RRP15: variants seen among roughly 807,000 people sequenced by gnomAD.
RRP15 encodes the protein RRP15-like protein.
RRP15 carries 18 observed loss-of-function variants against 27.1 expected under a neutral mutation model. The observed-to-expected ratio is 0.66, with a 90% CI of 0.46 to 0.98. The LOEUF (loss-of-function observed/expected upper bound fraction) is 0.98, where lower values mean the gene tolerates loss of function less well. RRP15 is among the 50% of genes least tolerant of loss of function. The pLI is 0.00. For missense variants in RRP15, 359 were observed against 337.8 expected (o/e 1.06, Z -0.49); for synonymous variants, 107 against 109.4 (o/e 0.98, Z 0.14).
Position 218,318,000 on chromosome 1 carries a change from G to A in RRP15, c.705+10368G>A, listed in dbSNP as rs565205696. On this transcript the variant is annotated intron_variant, in intron 4 of 4. Transcript: ENST00000366932. ...TTCTTCTGCCTCAGCCTCCCAAAGTGCTGGGATTACAGGCGTGAACTCCCA... is the reference window on the plus strand; with the variant it reads ...TTCTTCTGCCTCAGCCTCCCAAAGTACTGGGATTACAGGCGTGAACTCCCA... Among the ~76,000 whole-genome samples, 8 of 152,020 alleles carry A rather than the reference G, an allele frequency of 5.3e-5. No homozygotes were observed. The East Asian group carries it at 1.2e-3, about 22-fold the overall frequency.
At chr1:218,287,181 A>C (rs1571789549) in intron 1 of RRP15, among the ~76,000 whole-genome samples, 1 of 123,118 alleles carries the variant, frequency 8.1e-6, no homozygotes, top group Admixed American at 9.5e-5. Flanking sequence ...GGATTTTGCC[A>C]TGTTGCCCAG....
At chr1:218,291,941 A>G (rs1009575988) in intron 1 of RRP15, among the ~76,000 whole-genome samples, 7 of 151,854 alleles carry the variant, frequency 4.6e-5, no homozygotes, top group Admixed American at 2.0e-4. Context: ...AGGCTCAAGC[A>G]GTTCTCCCAC....
intron 4 of RRP15, among the ~76,000 whole-genome samples, chr1:218,311,995 T>C (rs1656002108): frequency 6.6e-6 from 1 of 151,768 alleles, no homozygotes; most frequent in African/African-American, 2.4e-5. Flanking sequence ...GAGGAATAGG[T>C]GGGAGTGATG....
At chr1:218,320,329 C>G (rs558658854) in intron 4 of RRP15, among the ~76,000 whole-genome samples, 6 of 150,896 alleles carry the variant, frequency 4.0e-5, no homozygotes, top group African/African-American at 1.5e-4. Context: ...TTTGTTCTTG[C>G]GATAGTTTAC....
intron 4 of RRP15, among the ~76,000 whole-genome samples, chr1:218,330,302 G>A (rs1055347490): frequency 2.6e-5 from 4 of 152,112 alleles, no homozygotes; most frequent in Admixed American, 1.3e-4. Flanking sequence ...TAAATGAAAC[G>A]AATTGACTAC....
chr1:218,330,883 G>T (rs990941857), intron 4 of RRP15, 65 bp from the exon 5 acceptor site: 7 of 1,457,462 alleles, frequency 4.8e-6, no homozygotes, highest in Non-Finnish European at 6.6e-6. Context: ...TTTGTAGCTT[G>T]TACCTTTTTG....
chr1:218,291,080 A>G (rs1020513769), intron 1 of RRP15, among the ~76,000 whole-genome samples: 2 of 152,086 alleles, frequency 1.3e-5, no homozygotes, highest in African/African-American at 2.4e-5. Context: ...TCGAGACTGC[A>G]GTGAGCTGTG....
chr1:218,296,176 A>G (rs893171687), intron 1 of RRP15, among the ~76,000 whole-genome samples: 1 of 152,222 alleles, frequency 6.6e-6, no homozygotes, highest in African/African-American at 2.4e-5. Context: ...AAAATATTTA[A>G]TGAGTAGTTA....
At chr1:218,326,406 C>G (rs1247483274) in intron 4 of RRP15, among the ~76,000 whole-genome samples, 4 of 152,142 alleles carry the variant, frequency 2.6e-5, no homozygotes, top group African/African-American at 9.7e-5. Context: ...ATATTTTTCC[C>G]TAAATTTTTT....
chr1:218,290,434 A>AT (rs1275760025), intron 1 of RRP15, among the ~76,000 whole-genome samples: 7 of 151,644 alleles, frequency 4.6e-5, no homozygotes, highest in African/African-American at 1.2e-4. Context: ...TCTTATGTGG[A>AT]TTTTTTTTGG....
At chr1:218,320,021 T>G (rs994744041) in intron 4 of RRP15, among the ~76,000 whole-genome samples, 12 of 150,748 alleles carry the variant, frequency 8.0e-5, no homozygotes, top group Non-Finnish European at 1.2e-4. Context: ...CCTTAGGTTT[T>G]TTTTTTTTTT....
chr1:218,296,945 T>C (rs551827040), intron 1 of RRP15, among the ~76,000 whole-genome samples: 1 of 152,272 alleles, frequency 6.6e-6, no homozygotes, highest in South Asian at 2.1e-4. Flanking sequence ...TAAGCTCTCT[T>C]CTCTGTTCCC....
intron 4 of RRP15, among the ~76,000 whole-genome samples, chr1:218,315,404 G>A (rs987801186): frequency 6.6e-6 from 1 of 151,962 alleles, no homozygotes; most frequent in African/African-American, 2.4e-5. Flanking sequence ...AGGTCCCTTG[G>A]TGGGCCTCTG....
At chr1:218,329,952 CTG>C (rs1477950273) in intron 4 of RRP15, among the ~76,000 whole-genome samples, 2 of 151,806 alleles carry the variant, frequency 1.3e-5, no homozygotes, top group East Asian at 1.9e-4. Context: ...ATATTTTAAA[CTG>C]TTTTTATGTA....
intron 1 of RRP15, among the ~76,000 whole-genome samples, chr1:218,286,681 C>T (rs919354315): frequency 1.3e-5 from 2 of 152,144 alleles, no homozygotes; most frequent in African/African-American, 4.8e-5. Flanking sequence ...CCTTGTGGGT[C>T]CTTCACAGAT....
intron 4 of RRP15, among the ~76,000 whole-genome samples, chr1:218,320,795 G>T (rs904612477): frequency 5.3e-5 from 8 of 151,860 alleles, no homozygotes; most frequent in Non-Finnish European, 1.2e-4. Context: ...AATCCATAAA[G>T]TATGTTTTTA....
chr1:218,329,182 C>A (rs992340052), intron 4 of RRP15, among the ~76,000 whole-genome samples: 4 of 124,454 alleles, frequency 3.2e-5, no homozygotes, highest in African/African-American at 1.2e-4. Flanking sequence ...AGGTGGATTG[C>A]TTGAGCCCAG....
intron 4 of RRP15, among the ~76,000 whole-genome samples, chr1:218,311,209 T>A (rs1017069995): frequency 2.1e-4 from 32 of 152,204 alleles, no homozygotes; most frequent in Non-Finnish European, 2.9e-5. Context: ...CTTCTGGTAT[T>A]TACCTCCATA....
At position 218,309,740 on chromosome 1, in the gene RRP15, G is replaced by A. The variant is rs559508207; in HGVS notation, c.705+2108G>A. 8.7e-5 allele frequency among the ~76,000 whole-genome samples: 13 copies of A among 149,582 alleles called. No individual in the cohort carries two copies. The South Asian group carries it at 1.7e-3, about 20-fold the overall frequency. ...TATTAAGTGCCTGTTTCTACCAGGTGTTATCCTTGTTGTGTCCTTTAAAAT... is the reference window on the plus strand; with the variant it reads ...TATTAAGTGCCTGTTTCTACCAGGTATTATCCTTGTTGTGTCCTTTAAAAT... On this transcript the variant is annotated intron_variant, in intron 4 of 4. Transcript: ENST00000366932.
Sources: allele counts gnomAD v4.1 joint callset (sites outside exome capture counted in the v4.1 genomes callset), GRCh38; gene constraint gnomAD v4.1.1; transcripts MANE v1.5; gene names NCBI Gene and HGNC (gene_info 2026-07-23, HGNC 2026-07-21).